SLC39A12: variants seen among roughly 807,000 people sequenced by gnomAD.
SLC39A12 encodes zinc transporter ZIP12.
SLC39A12 carries 63 observed loss-of-function variants against 71.1 expected under a neutral mutation model. The ratio of observed to expected loss-of-function variants is 0.89; its 90% confidence interval spans 0.72 to 1.09. SLC39A12 has a LOEUF of 1.09. Ranked by LOEUF, SLC39A12 falls within the 50% of genes least tolerant of loss-of-function variation. The pLI is 0.00. For missense variants in SLC39A12, 892 were observed against 812.6 expected, an observed-to-expected ratio of 1.10 and a Z score of -1.19; for synonymous variants, 351 against 301.3, an observed-to-expected ratio of 1.16 and a Z score of -1.71.
rs1375712647 is a variant in SLC39A12 at position 17,953,213 on chromosome 10, A to G, written c.-64A>G. ...CAGAAATTCCTTTGGTTACAAGTTT[A>G]CCCCATAAACGGCAACACACTCACC... is the stretch of plus-strand genomic sequence containing the variant. On this transcript the variant is annotated 5_prime_UTR_variant, in exon 2 of 13. Coordinates refer to ENST00000377369, the MANE Select transcript of SLC39A12 (RefSeq NM_001145195.2). 1 of 1,550,038 alleles carries G rather than the reference A, an allele frequency of 6.5e-7. No homozygotes were observed. The highest frequency in any genetic ancestry group is 8.7e-7 in the Non-Finnish European group (1 of 1,148,434).
In SLC39A12 at chr10:17,987,370, A is replaced by G. The variant is rs1835424278; in HGVS notation, c.1097-109A>G. 3.3e-6 allele frequency: 3 copies of G among 905,494 alleles called. No individual in the cohort carries two copies. In the East Asian group the frequency reaches 7.5e-5, roughly 22 times the overall value. 56.1% of individuals were successfully genotyped at this position (905,494 alleles called of 1,614,324 possible). On this transcript the variant is annotated intron_variant, in intron 6 of 12. Transcript: ENST00000377369. ...CAAAACACTTATTTAAAAAATCCAT[A>G]TCCCTACTGGCTGTTACTGTAAGAC...
chr10:18,042,558 A>G (rs770016036), intron 12 of SLC39A12, 147 bp from the exon 13 acceptor site: 102 of 593,930 alleles, frequency 1.7e-4, no homozygotes, highest in Non-Finnish European at 2.6e-4. Context: ...AAGACATGGT[A>G]GAGTAGGTAT....
intron 4 of SLC39A12, among the ~76,000 whole-genome samples, chr10:17,976,957 C>A (rs776819494): frequency 4.6e-5 from 7 of 152,132 alleles, no homozygotes; most frequent in Non-Finnish European, 8.8e-5. Flanking sequence ...GCTCTTGTTA[C>A]AAGTCTGTGA....
At chr10:18,036,347 G>A (rs1181867229) in intron 12 of SLC39A12, among the ~76,000 whole-genome samples, 1 of 152,140 alleles carries the variant, frequency 6.6e-6, no homozygotes, top group African/African-American at 2.4e-5. Flanking sequence ...ATATAATCTC[G>A]TGGTGCGCCG....
At chr10:18,015,409 A>G (rs1257195151) in intron 12 of SLC39A12, among the ~76,000 whole-genome samples, 1 of 151,798 alleles carries the variant, frequency 6.6e-6, no homozygotes, top group Non-Finnish European at 1.5e-5. Context: ...TGTTTTTTTC[A>G]TTTTTTCTCT....
chr10:17,954,062 G>C (rs926807351), intron 2 of SLC39A12, among the ~76,000 whole-genome samples: 1 of 152,104 alleles, frequency 6.6e-6, no homozygotes, highest in African/African-American at 2.4e-5. Context: ...TGCAGGTGGA[G>C]CTGAAGTCGC....
chr10:18,041,558 G>T (rs933281649), intron 12 of SLC39A12, among the ~76,000 whole-genome samples: 1 of 109,720 alleles, frequency 9.1e-6, no homozygotes, highest in Admixed American at 9.5e-5. Context: ...ACACACACAC[G>T]CACACATACA....
chr10:18,006,374 A>C (rs1836018653), intron 12 of SLC39A12, among the ~76,000 whole-genome samples: 1 of 152,232 alleles, frequency 6.6e-6, no homozygotes, highest in South Asian at 2.1e-4. Context: ...TCCAAATTGC[A>C]CTGAAGCATG....
At chr10:17,971,994 C>G (rs1327844851) in intron 4 of SLC39A12, among the ~76,000 whole-genome samples, 1 of 152,122 alleles carries the variant, frequency 6.6e-6, no homozygotes, top group Admixed American at 6.5e-5. Flanking sequence ...CTTAGCACCA[C>G]TTTTGTTGTT....
chr10:17,963,928 A>C (rs1554848691), intron 3 of SLC39A12, among the ~76,000 whole-genome samples: 1 of 152,042 alleles, frequency 6.6e-6, no homozygotes, highest in African/African-American at 2.4e-5. Context: ...CCCTTCCTTC[A>C]ATCTGTTTTG....
chr10:18,040,754 A>G (rs1837201046), intron 12 of SLC39A12, among the ~76,000 whole-genome samples: 1 of 148,168 alleles, frequency 6.7e-6, no homozygotes, highest in Non-Finnish European at 1.5e-5. Flanking sequence ...AGGCGATAAG[A>G]GTGAAACTCC....
At chr10:17,999,261 C>T (rs1316632528) in intron 10 of SLC39A12, among the ~76,000 whole-genome samples, 1 of 143,034 alleles carries the variant, frequency 7.0e-6, no homozygotes, top group Non-Finnish European at 1.5e-5. Flanking sequence ...TGCTACTGCA[C>T]TCCAGCCTGG....
intron 2 of SLC39A12, among the ~76,000 whole-genome samples, chr10:17,958,378 A>G (rs1357033587): frequency 1.3e-5 from 2 of 152,120 alleles, no homozygotes; most frequent in Non-Finnish European, 2.9e-5. Flanking sequence ...TTGAAAGTAT[A>G]ACATAAACTC....
At chr10:18,014,704 C>G (rs1241844926) in intron 12 of SLC39A12, among the ~76,000 whole-genome samples, 1 of 152,182 alleles carries the variant, frequency 6.6e-6, no homozygotes, top group African/African-American at 2.4e-5. Context: ...AGTCCTTGTG[C>G]TGTATGACAA....
rs115664816 is a variant in SLC39A12 at position 17,983,404 on chromosome 10, T to C, written c.1096+1921T>C. Among the ~76,000 whole-genome samples, 1,137 of 151,992 alleles carry C rather than the reference T, an allele frequency of 7.5e-3. 10 individuals carry two copies. The highest frequency in any genetic ancestry group is 0.025 in the African/African-American group (1,034 of 41,464). ...TTGGGGGGCTGAGGTGGGAGGATCA[T>C]TGGAGCCCAGCAGTTCAAGGCTGTA... On this transcript the variant is annotated intron_variant, in intron 6 of 12. Transcript: ENST00000377369.
intron 12 of SLC39A12, among the ~76,000 whole-genome samples, chr10:18,037,525 C>T (rs2130905357): frequency 6.6e-6 from 1 of 152,158 alleles, no homozygotes; most frequent in Admixed American, 6.5e-5. Flanking sequence ...GAGCTGTTAT[C>T]CTCTCTGAGC....
At position 18,000,794 on chromosome 10, in the gene SLC39A12, T is replaced by C; in HGVS notation, c.1728T>C (p.Ala576=). The C allele has an allele frequency of 6.2e-7, 1 of 1,614,142 alleles. No homozygotes were observed. The highest frequency in any genetic ancestry group is 8.5e-7 in the Non-Finnish European group (1 of 1,179,974). The change falls in exon 11 of 13, where the codon GCT becomes GCC. Residue 576 remains alanine, a synonymous_variant. Transcript: ENST00000377369. ...AGTCAGGAGTGACCACTACGATTGC[T>C]ATCTTGTGTCATGAAATCCCACATG... The part of the protein sequence containing the change: ...SSESGVTTTI[A]ILCHEIPHEM...
intron 12 of SLC39A12, among the ~76,000 whole-genome samples, chr10:18,009,212 G>A (rs767381748): frequency 6.6e-6 from 1 of 152,026 alleles, no homozygotes; most frequent in African/African-American, 2.4e-5. Flanking sequence ...ACCTCAAGGG[G>A]CTATCACTGT....
intron 4 of SLC39A12, 97 bp downstream of exon 4, chr10:17,965,787 A>G (rs1264043066): frequency 9.9e-7 from 1 of 1,007,224 alleles, no homozygotes; most frequent in Non-Finnish European, 1.5e-6. Context: ...GAATTCGTTC[A>G]GGTATGTTTT....
Sources: allele counts gnomAD v4.1 joint callset (sites outside exome capture counted in the v4.1 genomes callset), GRCh38; gene constraint gnomAD v4.1.1; transcripts MANE v1.5; gene names NCBI Gene and HGNC (gene_info 2026-07-23, HGNC 2026-07-21).